Variants in RAB3GAP2 observed in about 807,000 individuals in gnomAD.
The protein encoded by RAB3GAP2 is rab3 GTPase-activating protein non-catalytic subunit.
A neutral mutation model predicts 185.3 loss-of-function variants in RAB3GAP2; 87 were observed. The observed-to-expected ratio is 0.47, with a 90% CI of 0.39 to 0.56. The LOEUF (loss-of-function observed/expected upper bound fraction) is 0.56. RAB3GAP2 is among the 20% of genes least tolerant of loss of function. RAB3GAP2 has a pLI of 0.00. For missense variants in RAB3GAP2, 1,492 were observed against 1,638.2 expected, an observed-to-expected ratio of 0.91 and a Z score of 1.54; for synonymous variants, 554 against 576.1, an observed-to-expected ratio of 0.96 and a Z score of 0.55.
At chr1:220,163,874 G>A (rs182529841) in intron 27 of RAB3GAP2, among the ~76,000 whole-genome samples, 1 of 151,172 alleles carries the variant, frequency 6.6e-6, no homozygotes, top group East Asian at 2.0e-4. Flanking sequence ...CATGTCACCT[G>A]CAAGCATGTG....
At chr1:220,188,762 A>C (rs996999600) in intron 17 of RAB3GAP2, among the ~76,000 whole-genome samples, 1 of 152,210 alleles carries the variant, frequency 6.6e-6, no homozygotes, top group Non-Finnish European at 1.5e-5. Context: ...ATCATTTGTA[A>C]TGTCAAAAAT....
intron 2 of RAB3GAP2, among the ~76,000 whole-genome samples, chr1:220,218,265 C>CCAA (rs1659235658): frequency 1.3e-5 from 2 of 152,146 alleles, no homozygotes; most frequent in Non-Finnish European, 2.9e-5. Context: ...CCAACTTTCT[C>CCAA]TGTTACTGTG....
intron 7 of RAB3GAP2, among the ~76,000 whole-genome samples, chr1:220,208,914 A>C (rs1370896661): frequency 1.3e-5 from 2 of 152,104 alleles, no homozygotes; most frequent in African/African-American, 4.8e-5. Context: ...ACAGGGTTTC[A>C]CCGTGTTACC....
At position 220,210,373 on chromosome 1, in the gene RAB3GAP2, A is replaced by G. The variant is rs777576498; in HGVS notation, c.612+15T>C. On this transcript the variant is annotated intron_variant, in intron 7 of 34. Transcript: ENST00000358951. ...AATGCCACTGTTACTGTTGGAACAC[A>G]ATTTTTTACACTACCTGCTCAGTCA... 2 of 1,605,680 alleles carry G rather than the reference A, an allele frequency of 1.2e-6. No individual in the cohort carries two copies. The highest frequency in any genetic ancestry group is 1.7e-6 in the Non-Finnish European group (2 of 1,172,470).
intron 9 of RAB3GAP2, among the ~76,000 whole-genome samples, chr1:220,197,236 C>G (rs961627377): frequency 6.6e-6 from 1 of 152,172 alleles, no homozygotes; most frequent in Non-Finnish European, 1.5e-5. Context: ...GATCCTCCAG[C>G]CTCAGCCTCC....
intron 1 of RAB3GAP2, among the ~76,000 whole-genome samples, chr1:220,256,676 A>C (rs1249307815): frequency 6.6e-6 from 1 of 152,262 alleles, no homozygotes; most frequent in East Asian, 1.9e-4. Flanking sequence ...ATAATGGTAA[A>C]GGGTTCAATT....
chr1:220,190,500 T>G lies in RAB3GAP2; in HGVS notation c.1508A>C (p.Lys503Thr). The change falls in exon 15 of 35, where the codon AAA becomes ACA. Residue 503 changes from lysine to threonine, a missense_variant. Around this residue, in one of 5 missense-constraint regions of RAB3GAP2, gnomAD observed 681 missense variants for 689.1 expected, o/e 0.99. Coordinates refer to ENST00000358951, the MANE Select transcript of RAB3GAP2 (RefSeq NM_012414.4). Reference sequence around the variant, plus strand: ...GGTAACATTATTTAAACCCATTATTTTATAGCCAGGATACAGCAGCCTAAA... The same window carrying G: ...GGTAACATTATTTAAACCCATTATTGTATAGCCAGGATACAGCAGCCTAAA... ...KHCRLLYPGYKIMGLNNVTSQ... is the reference protein window; with the variant it reads ...KHCRLLYPGYTIMGLNNVTSQ... 6.2e-7 allele frequency: 1 copy of G among 1,603,494 alleles called. No homozygotes were observed. The highest frequency in any genetic ancestry group is 8.5e-7 in the Non-Finnish European group (1 of 1,170,378).
At chr1:220,185,829 C>T (rs1336219783) in intron 17 of RAB3GAP2, 88 bp from the exon 18 acceptor site, 7 of 937,976 alleles carry the variant, frequency 7.5e-6, no homozygotes, top group Non-Finnish European at 1.2e-5. Flanking sequence ...ACTTTCACTA[C>T]CCCAAATTTC....
At chr1:220,189,954 T>C (rs766255828) in intron 16 of RAB3GAP2, 110 bp downstream of exon 16, 2 of 1,104,530 alleles carry the variant, frequency 1.8e-6, no homozygotes, top group Non-Finnish European at 2.7e-6. Flanking sequence ...TACAGAGCAA[T>C]TCCAATAAGC....
chr1:220,161,078 G>A (rs1657955451), intron 28 of RAB3GAP2, among the ~76,000 whole-genome samples: 1 of 152,128 alleles, frequency 6.6e-6, no homozygotes, highest in African/African-American at 2.4e-5. Context: ...ACATTTTACT[G>A]TTATTCTCTC....
intron 7 of RAB3GAP2, chr1:220,207,796 GAGA>G (rs1658997018): frequency 6.6e-6 from 1 of 152,218 alleles, no homozygotes; most frequent in African/African-American, 2.4e-5. Flanking sequence ...CTAGATGACA[GAGA>G]AGATCTTTTT....
At chr1:220,246,224 A>C (rs1659812464) in intron 1 of RAB3GAP2, among the ~76,000 whole-genome samples, 1 of 152,246 alleles carries the variant, frequency 6.6e-6, no homozygotes, top group Non-Finnish European at 1.5e-5. Flanking sequence ...AACCACAATG[A>C]GATACCATTG....
Position 220,150,207 on chromosome 1 carries a change from A to G in RAB3GAP2, c.*1044T>C, listed in dbSNP as rs1310307328. On this transcript the variant is annotated 3_prime_UTR_variant, in exon 35 of 35. Transcript: ENST00000358951. Reference sequence around the variant, plus strand: ...CTCCTCCAGCCTCCCGAGTAGCTATAGTTTGGTTTTAATCAGTAAATATTT... The same window carrying G: ...CTCCTCCAGCCTCCCGAGTAGCTATGGTTTGGTTTTAATCAGTAAATATTT... 1.3e-5 allele frequency: 2 copies of G among 149,838 alleles called. No individual in the cohort carries two copies. Among genetic ancestry groups the G allele is most frequent in the Non-Finnish European group, 3.0e-5 (2 of 67,662 alleles). 9.3% of individuals were successfully genotyped at this position (149,838 alleles called of 1,614,324 possible).
rs1445532918 is a variant in RAB3GAP2, at chr1:220,190,495, T to C, written c.1513A>G (p.Met505Val). The C allele has an allele frequency of 1.9e-6, 3 of 1,604,080 alleles. No individual in the cohort carries two copies. The African/African-American group carries it at 4.0e-5, about 21-fold the overall frequency. The stretch of plus-strand genomic sequence containing the variant: ...TGACTGGTAACATTATTTAAACCCA[T>C]TATTTTATAGCCAGGATACAGCAGC... ...CRLLYPGYKI[M>V]GLNNVTSQSW... Residue 505 changes from methionine to valine, a missense_variant, in exon 15 of 35, where the codon ATG becomes GTG. This residue lies in a region of RAB3GAP2 where 681 missense variants were observed against 689.1 expected (regional missense o/e 0.99). Transcript: ENST00000358951.
intron 23 of RAB3GAP2, among the ~76,000 whole-genome samples, chr1:220,171,483 C>A (rs1047657621): frequency 6.6e-6 from 1 of 152,204 alleles, no homozygotes; most frequent in Non-Finnish European, 1.5e-5. Context: ...AAAAAACAAT[C>A]TGAAATTTCA....
intron 8 of RAB3GAP2, among the ~76,000 whole-genome samples, chr1:220,203,972 G>A (rs1571899071): frequency 6.6e-6 from 1 of 152,118 alleles, no homozygotes; most frequent in Non-Finnish European, 1.5e-5. Flanking sequence ...GAAAAGAAAA[G>A]TCTTATAATC....
intron 1 of RAB3GAP2, among the ~76,000 whole-genome samples, chr1:220,240,033 T>C (rs1207650505): frequency 6.6e-6 from 1 of 150,998 alleles, no homozygotes; most frequent in Non-Finnish European, 1.5e-5. Flanking sequence ...CTTGTGTCTG[T>C]AGTCTATTAT....
intron 32 of RAB3GAP2, 66 bp from the exon 33 acceptor site, chr1:220,153,472 A>T: frequency 7.1e-7 from 1 of 1,410,578 alleles, no homozygotes; most frequent in Non-Finnish European, 1.0e-6. Context: ...ACCTAAACCA[A>T]GTATTGTTAG....
chr1:220,213,878 C>A lies in RAB3GAP2; in HGVS notation c.282G>T (p.Glu94Asp). 1 of 1,613,356 alleles carries A rather than the reference C, an allele frequency of 6.2e-7. No individual in the cohort carries two copies. The highest frequency in any genetic ancestry group is 8.5e-7 in the Non-Finnish European group (1 of 1,179,458). ...CACGCACTAGAAATACAGCTTTTTG[C>A]TCTCGAGCTATCACCATAAGATCAT... ...PTNDLMVIAR[E>D]QKAVFLVPKW... Residue 94 changes from glutamate (E) to aspartate (D), a missense_variant, in exon 3 of 35, where the codon GAG becomes GAT. Glu to Asp is a conservative substitution (Grantham distance 45, BLOSUM62 2). Transcript: ENST00000358951.
Sources: gnomAD v4.1 joint callset for allele counts (sites outside exome capture counted in the v4.1 genomes callset) on GRCh38, gnomAD v4.1.1 for gene constraint, gnomAD v4.1.1 regional missense constraint, MANE v1.5 for transcripts, NCBI Gene and HGNC (gene_info 2026-07-23, HGNC 2026-07-21) for gene names.